Variants in NFATC1 observed in about 807,000 individuals in gnomAD.
The protein encoded by NFATC1 is nuclear factor of activated T cells 1, also known as nuclear factor of activated T-cells, cytoplasmic 1.
A neutral mutation model predicts 76.0 loss-of-function variants in NFATC1; 22 were observed. That is an observed-to-expected ratio of 0.29 (90% CI 0.21 to 0.41). The LOEUF is 0.41. NFATC1 is among the 10% of genes least tolerant of loss of function. NFATC1 has a pLI of 1.00. For missense variants in NFATC1, 1,357 were observed against 1,337.7 expected (o/e 1.01, Z -0.23); for synonymous variants, 704 against 613.1 (o/e 1.15, Z -2.19).
intron 9 of NFATC1, among the ~76,000 whole-genome samples, chr18:79,522,661 C>T (rs142632278): frequency 3.9e-5 from 6 of 152,204 alleles, no homozygotes; most frequent in Admixed American, 1.3e-4. Flanking sequence ...CGCCAAGTTC[C>T]GGGCACTGAG....
At chr18:79,466,647 G>A (rs1390739561) in intron 7 of NFATC1, among the ~76,000 whole-genome samples, 2 of 152,222 alleles carry the variant, frequency 1.3e-5, no homozygotes, top group Admixed American at 6.5e-5. Context: ...TCCACACGCC[G>A]CCCTCTGCTG....
At chr18:79,407,244 G>A (rs1692026226) in intron 1 of NFATC1, among the ~76,000 whole-genome samples, 1 of 152,244 alleles carries the variant, frequency 6.6e-6, no homozygotes, top group African/African-American at 2.4e-5. Context: ...TGGAGCCTGG[G>A]GGCGGGGGGC....
intron 8 of NFATC1, among the ~76,000 whole-genome samples, chr18:79,473,025 T>C (rs1437986413): frequency 6.6e-6 from 1 of 152,206 alleles, no homozygotes; most frequent in Non-Finnish European, 1.5e-5. Context: ...CTGCAGCTTG[T>C]GGGGGTCAAG....
chr18:79,440,888 T>TTGCCCAGGCCC (rs574665915), intron 3 of NFATC1, among the ~76,000 whole-genome samples: 3 of 152,226 alleles, frequency 2.0e-5, no homozygotes, highest in African/African-American at 7.2e-5. Flanking sequence ...TGGCTGTTCC[T>TTGCCCAGGCCC]TGCCCAGGCC....
At chr18:79,526,855 G>T (rs2090779432) in intron 9 of NFATC1, among the ~76,000 whole-genome samples, 1 of 152,238 alleles carries the variant, frequency 6.6e-6, no homozygotes, top group Admixed American at 6.5e-5. Flanking sequence ...CATGGCAGAG[G>T]GAAGCCCGGG....
Position 79,411,147 on chromosome 18 carries a change from C to T in NFATC1, c.872C>T (p.Pro291Leu), listed in dbSNP as rs1429315986. 7 of 1,612,426 alleles carry T rather than the reference C, an allele frequency of 4.3e-6. No homozygotes were observed. Among genetic ancestry groups the T allele is most frequent in the East Asian group, 2.2e-5 (1 of 44,860 alleles). The change falls in exon 2 of 10, where the codon CCG becomes CTG. Residue 291 changes from proline (P) to leucine (L), a missense_variant. Pro to Leu is a moderately conservative substitution (Grantham distance 98). Around this residue, in one of 3 missense-constraint regions of NFATC1, gnomAD observed 691 missense variants for 613.1 expected, o/e 1.13. Transcript: ENST00000427363. ...HSPTPSPHGS[P>L]RVSVTDDSWL... is the part of the protein sequence containing the mutation. ...CCCACGCCGTCCCCGCACGGCTCCCCGCGGGTCAGCGTGACCGACGACTCG... is the reference window on the plus strand; with the variant it reads ...CCCACGCCGTCCCCGCACGGCTCCCTGCGGGTCAGCGTGACCGACGACTCG...
intron 8 of NFATC1, among the ~76,000 whole-genome samples, chr18:79,482,103 T>A: frequency 7.0e-6 from 1 of 142,316 alleles, no homozygotes; most frequent in South Asian, 2.3e-4. Flanking sequence ...AATTCCAGCG[T>A]GACCTGGTCC....
At position 79,425,365 on chromosome 18, in the gene NFATC1, G is replaced by A. The variant is rs541882633; in HGVS notation, c.1227-8214G>A. On this transcript the variant is annotated intron_variant, in intron 2 of 9. Transcript: ENST00000427363. ...AATGGCCATGAGGCCCGCGGCTGCC[G>A]GCTGAGGAGGGCTGCGGGAGGACCC... Among the ~76,000 whole-genome samples the A allele has an allele frequency of 2.2e-4, 34 of 151,628 alleles. No individual in the cohort carries two copies. The East Asian group carries it at 4.8e-3, about 21-fold the overall frequency.
chr18:79,489,713 T>C (rs1392286562), intron 9 of NFATC1, among the ~76,000 whole-genome samples: 3 of 152,146 alleles, frequency 2.0e-5, no homozygotes, highest in Non-Finnish European at 4.4e-5. Flanking sequence ...CCAACCACAG[T>C]CATCTCGTCC....
At chr18:79,400,497 GGC>G in intron 1 of NFATC1, 1 of 1,401,506 alleles carries the variant, frequency 7.1e-7, no homozygotes, top group Admixed American at 3.4e-5. Flanking sequence ...AGTCCCGGAG[GGC>G]GCGGGGGGCG....
chr18:79,410,443 G>T lies in NFATC1; in HGVS notation c.168G>T (p.Leu56=). 1 of 1,611,954 alleles carries T rather than the reference G, an allele frequency of 6.2e-7. No homozygotes were observed. Residue 56 remains leucine (L), a synonymous_variant, in exon 2 of 10, where the codon CTG becomes CTT. Transcript: ENST00000427363. The surrounding 1 kb of genome is among the most constrained non-coding windows in gnomAD (Gnocchi z 6.7). ...GYASSNVSPA[L]PLPTAHSTLP... ...CATCCTCCAACGTCAGCCCCGCCCT[G>T]CCGCTCCCCACGGCGCACTCCACCC...
intron 6 of NFATC1, among the ~76,000 whole-genome samples, chr18:79,457,982 C>T (rs1400418529): frequency 6.6e-6 from 1 of 152,316 alleles, no homozygotes; most frequent in African/African-American, 2.4e-5. Context: ...ACCTGTCTGT[C>T]GATGGCACTA....
At chr18:79,426,313 C>T (rs2086330713) in intron 2 of NFATC1, among the ~76,000 whole-genome samples, 2 of 151,524 alleles carry the variant, frequency 1.3e-5, no homozygotes. Flanking sequence ...AAAAAAATCC[C>T]TCACGCCCTT....
At position 79,528,087 on chromosome 18, in the gene NFATC1, T is replaced by C. The variant is rs1483674865; in HGVS notation, c.*510T>C. 2 of 401,060 alleles carry C rather than the reference T, an allele frequency of 5.0e-6. No individual in the cohort carries two copies. Among genetic ancestry groups the C allele is most frequent in the African/African-American group, 4.1e-5 (2 of 48,730 alleles). The allele number at this position is 401,060 out of a possible 1,614,324, so 24.8% of individuals were successfully genotyped here. The stretch of plus-strand genomic sequence containing the variant: ...ACGCTGGAAGGCTGCGAGAGGACTC[T>C]AGTATGAGTCTCCAACATTTGGAAC... On this transcript the variant is annotated 3_prime_UTR_variant, in exon 10 of 10. Coordinates refer to ENST00000427363, the MANE Select transcript of NFATC1 (RefSeq NM_001278669.2).
Position 79,451,145 on chromosome 18 carries a change from G to T in NFATC1, c.1762+19G>T. On this transcript the variant is annotated intron_variant, in intron 5 of 9. Coordinates refer to ENST00000427363, the MANE Select transcript of NFATC1 (RefSeq NM_001278669.2). ...GAATGCTGTAAGTGGACGTCCACGC[G>T]CCCACAGGGGAGGAAACCGTCCCGT... 1 of 1,597,738 alleles carries T rather than the reference G, an allele frequency of 6.3e-7. No homozygotes were observed. The highest frequency in any genetic ancestry group is 8.6e-7 in the Non-Finnish European group (1 of 1,168,984).
chr18:79,448,495 C>G (rs1399575632), intron 3 of NFATC1: 6 of 465,824 alleles, frequency 1.3e-5, no homozygotes, highest in African/African-American at 1.2e-4. Flanking sequence ...GCACACGCCC[C>G]CTGCCAGCTT....
intron 9 of NFATC1, chr18:79,493,577 C>T (rs1216670383): frequency 6.6e-6 from 1 of 152,236 alleles, no homozygotes. Flanking sequence ...GCGTGTCCGC[C>T]GCAGTCTGGG....
intron 2 of NFATC1, among the ~76,000 whole-genome samples, chr18:79,432,880 G>C (rs2086648272): frequency 6.6e-6 from 1 of 152,110 alleles, no homozygotes; most frequent in Admixed American, 6.5e-5. Context: ...GGGCCGTGGG[G>C]CCCCCAGCTG....
chr18:79,411,667 T>A (rs2148192847), intron 2 of NFATC1, among the ~76,000 whole-genome samples, 166 bp downstream of exon 2: 1 of 152,244 alleles, frequency 6.6e-6, no homozygotes, highest in East Asian at 1.9e-4. Context: ...GCAGAGTCTG[T>A]CCCCATGTCT....
Sources: gnomAD v4.1 joint callset for allele counts (sites outside exome capture counted in the v4.1 genomes callset) on GRCh38, gnomAD v4.1.1 for gene constraint, gnomAD v4.1.1 regional missense constraint, Gnocchi (gnomAD v3.1) non-coding constraint, MANE v1.5 for transcripts, NCBI Gene and HGNC (gene_info 2026-07-23, HGNC 2026-07-21) for gene names.